Variants in CARD14 observed in about 807,000 individuals in gnomAD.
The protein encoded by CARD14 is caspase recruitment domain-containing protein 14.
Under a neutral mutation model 111.5 loss-of-function variants are expected in CARD14, and 107 were observed. The observed-to-expected ratio is 0.96, with a 90% CI of 0.82 to 1.13. CARD14 has a LOEUF of 1.13. CARD14 is among the 50% of genes most tolerant of loss of function. The pLI, the probability that CARD14 is intolerant of heterozygous loss-of-function variation, is 0.00. For synonymous variants in CARD14, 617 were observed against 579.6 expected (o/e 1.06, Z -0.93); for missense variants, 1,322 against 1,362.3 (o/e 0.97, Z 0.47).
rs1407672244 is a variant in CARD14 at position 80,188,125 on chromosome 17, T to TA, written c.676-250dup. ...GCCTCTTGGTCTATTCCTGGGACCC[T>TA]AACCCTGGATGGAGTTCAACCGCGG... On this transcript the variant is annotated intron_variant, in intron 7 of 23. Transcript: ENST00000648509. This position sits in a 1 kb window ranked among gnomAD's most constrained non-coding sequence, Gnocchi z 4.5. 2.1e-6 allele frequency: 1 copy of TA among 481,874 alleles called. No individual in the cohort carries two copies. Among genetic ancestry groups the TA allele is most frequent in the African/African-American group, 2.0e-5 (1 of 49,282 alleles). The allele number at this position is 481,874 out of a possible 1,614,324, so 29.8% of individuals were successfully genotyped here.
intron 7 of CARD14, among the ~76,000 whole-genome samples, chr17:80,186,516 C>G (rs983553302): frequency 6.6e-6 from 1 of 152,108 alleles, no homozygotes; most frequent in African/African-American, 2.4e-5. Context: ...TCAGCCCATT[C>G]TCTGAGGGCC....
At chr17:80,206,905 T>C in intron 22 of CARD14, 65 bp from the exon 23 acceptor site, 1 of 1,226,910 alleles carries the variant, frequency 8.2e-7, no homozygotes, top group East Asian at 2.5e-5. Flanking sequence ...GACCTGGGCG[T>C]TGGCTCCCTT....
At chr17:80,181,806 G>C (rs1175566147) in intron 5 of CARD14, among the ~76,000 whole-genome samples, 157 bp downstream of exon 5, 1 of 152,200 alleles carries the variant, frequency 6.6e-6, no homozygotes, top group African/African-American at 2.4e-5. Flanking sequence ...AGGATGATCT[G>C]ATCTTGAAAT....
At chr17:80,191,555 C>A (rs1219767337) in intron 11 of CARD14, 83 bp downstream of exon 11, 5 of 1,536,420 alleles carry the variant, frequency 3.3e-6, no homozygotes, top group South Asian at 1.2e-5. Context: ...CAGGGTGGCC[C>A]ATGGAGGCAC....
At chr17:80,193,008 C>T (rs146054259) in intron 12 of CARD14, among the ~76,000 whole-genome samples, 6 of 152,308 alleles carry the variant, frequency 3.9e-5, no homozygotes, top group South Asian at 2.1e-4. Context: ...CCTCAGCCTC[C>T]CAAAGTGCTG....
In CARD14 at chr17:80,172,812, T is replaced by G. The variant is rs372645351; in HGVS notation, c.-689-94T>G. The stretch of plus-strand genomic sequence containing the variant: ...GTTTCATCAATTGGATTAATTTTAT[T>G]GTTTTCTAAAATAATGACTATGGTT... On this transcript the variant is annotated intron_variant, in intron 1 of 23. Coordinates refer to ENST00000648509, the MANE Select transcript of CARD14 (RefSeq NM_001366385.1). 19 of 151,700 alleles carry G rather than the reference T, an allele frequency of 1.3e-4. No homozygotes were observed. In the South Asian group the frequency reaches 1.5e-3, roughly 12 times the overall value. 9.4% of individuals were successfully genotyped at this position (151,700 alleles called of 1,614,324 possible). A position where few individuals can be genotyped will look rare whatever the true frequency, so the allele number is the denominator to read the frequency against.
rs149758370 is a variant in CARD14, at chr17:80,173,833, A to G, written c.-367+605A>G. ...AGACTGGTCTCGAACTCCTGACCTT[A>G]TGATCTGCCCACCTCGGCCTCCCAA... On this transcript the variant is annotated intron_variant, in intron 2 of 23. Transcript: ENST00000648509. 3.3e-3 allele frequency among the ~76,000 whole-genome samples: 505 copies of G among 152,166 alleles called. 2 individuals are homozygous for G. The highest frequency in any genetic ancestry group is 0.012 in the African/African-American group (486 of 41,504).
chr17:80,176,140 T>C (rs1231094110), intron 2 of CARD14, among the ~76,000 whole-genome samples: 5 of 147,576 alleles, frequency 3.4e-5, no homozygotes, highest in African/African-American at 1.3e-4. Context: ...TGTTGAAATA[T>C]AACTCACGGC....
Position 80,188,768 on chromosome 17 carries a change from G to A in CARD14, c.843+224G>A, listed in dbSNP as rs2040424703. The A allele has an allele frequency of 2.7e-6, 1 of 366,352 alleles. No individual in the cohort carries two copies. Among genetic ancestry groups the A allele is most frequent in the African/African-American group, 2.1e-5 (1 of 47,626 alleles). The allele number at this position is 366,352 out of a possible 1,614,324, so 22.7% of individuals were successfully genotyped here. On this transcript the variant is annotated intron_variant, in intron 8 of 23. Transcript: ENST00000648509. This position sits in a 1 kb window ranked among gnomAD's most constrained non-coding sequence, Gnocchi z 4.5. ...GCTGCTGGAACAGAATTAAAAGCTG[G>A]AACTGGGCACAGTGGCTCATTCCTG...
intron 12 of CARD14, among the ~76,000 whole-genome samples, chr17:80,192,980 C>G (rs928565478): frequency 6.6e-6 from 1 of 152,140 alleles, no homozygotes. Context: ...GAACTCCTGA[C>G]CTCAAATGAT....
At position 80,201,746 on chromosome 17, in the gene CARD14, T is replaced by G. The variant is rs111451894; in HGVS notation, c.1854T>G (p.Val618=). ...TGACCTTCTCGACTTGCCCTCAGGT[T>G]GATTACGAAGCCTCAGAGCCCTTGT... ...ALRPGTQIVM[V]DYEASEPLFK... The change falls in exon 17 of 24, where the codon GTT becomes GTG. Residue 618 remains valine, a splice_region_variant and synonymous_variant. Transcript: ENST00000648509. The surrounding 1 kb of genome is among the most constrained non-coding windows in gnomAD (Gnocchi z 5.0). 6.2e-6 allele frequency: 10 copies of G among 1,613,966 alleles called. No homozygotes were observed. In the African/African-American group the frequency reaches 6.7e-5, roughly 11 times the overall value.
In CARD14 at chr17:80,188,060, C is replaced by A; in HGVS notation, c.676-317C>A. On this transcript the variant is annotated intron_variant, in intron 7 of 23. Coordinates refer to ENST00000648509, the MANE Select transcript of CARD14 (RefSeq NM_001366385.1). This position sits in a 1 kb window ranked among gnomAD's most constrained non-coding sequence, Gnocchi z 4.5. ...CAGGGAGCATGCTGGCCATCACTGC[C>A]GGCTGCTCAGCTGTAGAGATCCAGG... The A allele has an allele frequency of 1.3e-6, 1 of 756,180 alleles. No homozygotes were observed. Among genetic ancestry groups the A allele is most frequent in the Non-Finnish European group, 1.6e-6 (1 of 609,420 alleles). The allele number at this position is 756,180 out of a possible 1,614,324, so 46.8% of individuals were successfully genotyped here. A position where few individuals can be genotyped will look rare whatever the true frequency, so the allele number is the denominator to read the frequency against.
chr17:80,183,413 G>A (rs1258284196), intron 6 of CARD14, among the ~76,000 whole-genome samples: 2 of 152,154 alleles, frequency 1.3e-5, no homozygotes, highest in Non-Finnish European at 2.9e-5. Context: ...TCTAGTACGC[G>A]GATTCGTATT....
Position 80,203,691 on chromosome 17 carries a change from T to G in CARD14, c.2220-131T>G. On this transcript the variant is annotated intron_variant, in intron 18 of 23. Transcript: ENST00000648509. This position sits in a 1 kb window ranked among gnomAD's most constrained non-coding sequence, Gnocchi z 4.6. Reference sequence around the variant, plus strand: ...AGCGCTCCAGCCTGCAGCAAAGGGATGTGTGGAGCTCTAGGTGGAGGCCCT... The same window carrying G: ...AGCGCTCCAGCCTGCAGCAAAGGGAGGTGTGGAGCTCTAGGTGGAGGCCCT... The G allele has an allele frequency of 1.6e-6, 1 of 629,898 alleles. No homozygotes were observed. Among genetic ancestry groups the G allele is most frequent in the Non-Finnish European group, 2.8e-6 (1 of 355,304 alleles). The allele number at this position is 629,898 out of a possible 1,614,324, so 39.0% of individuals were successfully genotyped here.
rs1598692668 is a variant in CARD14, at chr17:80,201,718, G to C, written c.1852-26G>C. 6.2e-7 allele frequency: 1 copy of C among 1,613,622 alleles called. No homozygotes were observed. The highest frequency in any genetic ancestry group is 1.1e-5 in the South Asian group (1 of 91,066). ...TGGATTCAGAGTCCCGGGGGAAAGA[G>C]ACTGACCTTCTCGACTTGCCCTCAG... On this transcript the variant is annotated intron_variant, in intron 16 of 23. Transcript: ENST00000648509. This position sits in a 1 kb window ranked among gnomAD's most constrained non-coding sequence, Gnocchi z 5.0.
At position 80,201,918 on chromosome 17, in the gene CARD14, ATGACCCT is replaced by A. The variant is rs2040998584; in HGVS notation, c.1978+50_1978+56del. On this transcript the variant is annotated intron_variant, in intron 17 of 23. Coordinates refer to ENST00000648509, the MANE Select transcript of CARD14 (RefSeq NM_001366385.1). This position sits in a 1 kb window ranked among gnomAD's most constrained non-coding sequence, Gnocchi z 5.0. ...GTGCACAGCTGCCTGGCCAGACTCC[ATGACCCT>A]TAAGTCCCTGGTGGTTCTTCTGCAC... The A allele has an allele frequency of 1.9e-6, 3 of 1,565,952 alleles. No individual in the cohort carries two copies. Among genetic ancestry groups the A allele is most frequent in the Admixed American group, 1.8e-5 (1 of 55,178 alleles).
Position 80,203,565 on chromosome 17 carries a change from CT to C in CARD14, c.2220-256del, listed in dbSNP as rs2041107125. 8.9e-6 allele frequency: 4 copies of C among 451,454 alleles called. No homozygotes were observed. Among genetic ancestry groups the C allele is most frequent in the Non-Finnish European group, 1.6e-5 (4 of 254,902 alleles). The allele number at this position is 451,454 out of a possible 1,614,324, so 28.0% of individuals were successfully genotyped here. On this transcript the variant is annotated intron_variant, in intron 18 of 23. Coordinates refer to ENST00000648509, the MANE Select transcript of CARD14 (RefSeq NM_001366385.1). The surrounding 1 kb of genome is among the most constrained non-coding windows in gnomAD (Gnocchi z 4.6). ...TACGCTGGCTGCTCAACAGCACCCCCTGGGTCCCGCCCCAGGACAAGTAAAT... is the reference window on the plus strand; with the variant it reads ...TACGCTGGCTGCTCAACAGCACCCCCGGGTCCCGCCCCAGGACAAGTAAAT...
rs180752308 is a variant in CARD14, at chr17:80,183,734, A to C, written c.350-179A>C. Among the ~76,000 whole-genome samples the C allele has an allele frequency of 6.0e-3, 906 of 151,800 alleles. 7 individuals carry two copies. The highest frequency in any genetic ancestry group is 0.018 in the African/African-American group (763 of 41,364). ...CATCTGTGCACCTGCACACCTGCCC[A>C]CATGCCCACCCGCCCACATGCTCAG... On this transcript the variant is annotated intron_variant, in intron 6 of 23. Coordinates refer to ENST00000648509, the MANE Select transcript of CARD14 (RefSeq NM_001366385.1).
Position 80,209,272 on chromosome 17 carries a change from T to C in CARD14, c.*927T>C. The stretch of plus-strand genomic sequence containing the variant: ...TCTAGAATTCAGGTTGGTATCATCA[T>C]AAATGAGTTCAGAAAAAGAACTTCT... On this transcript the variant is annotated 3_prime_UTR_variant, in exon 24 of 24. Transcript: ENST00000648509. 2.1e-6 allele frequency: 2 copies of C among 971,446 alleles called. No individual in the cohort carries two copies. 60.2% of individuals were successfully genotyped at this position (971,446 alleles called of 1,614,324 possible).
Sources: allele counts gnomAD v4.1 joint callset (sites outside exome capture counted in the v4.1 genomes callset), GRCh38; gene constraint gnomAD v4.1.1; non-coding constraint Gnocchi (gnomAD v3.1); transcripts MANE v1.5; gene names NCBI Gene and HGNC (gene_info 2026-07-23, HGNC 2026-07-21).